The following FBXL7 variants were observed in gnomAD, a reference collection of about 807,000 sequenced individuals.
The protein encoded by FBXL7 is F-box and leucine rich repeat protein 7, also known as F-box/LRR-repeat protein 7.
A neutral mutation model predicts 38.3 loss-of-function variants in FBXL7; 12 were observed. The observed-to-expected ratio is 0.31, with a 90% confidence interval of 0.20 to 0.51. The LOEUF is 0.51. Ranked by LOEUF, FBXL7 falls within the 20% of genes least tolerant of loss-of-function variation. The probability of loss-of-function intolerance (pLI) is 0.98; values close to 1 mark genes in which losing one functional copy is unlikely to be tolerated. For missense variants in FBXL7, 567 were observed against 676.4 expected, an observed-to-expected ratio of 0.84 and a Z score of 1.79; for synonymous variants, 297 against 300.9, an observed-to-expected ratio of 0.99 and a Z score of 0.13.
At chr5:15,592,373 C>G (rs1237141749) in intron 1 of FBXL7, among the ~76,000 whole-genome samples, 4 of 152,124 alleles carry the variant, frequency 2.6e-5, no homozygotes, top group Admixed American at 2.6e-4. Flanking sequence ...GGATCATGGG[C>G]AATTTAAGTT....
chr5:15,818,315 T>C (rs1738074829), intron 2 of FBXL7, among the ~76,000 whole-genome samples: 2 of 152,206 alleles, frequency 1.3e-5, no homozygotes, highest in Non-Finnish European at 2.9e-5. Context: ...CTTTAAACTA[T>C]GAGACATTAA....
intron 1 of FBXL7, among the ~76,000 whole-genome samples, chr5:15,515,847 A>T (rs1421553455): frequency 6.6e-6 from 1 of 152,134 alleles, no homozygotes; most frequent in African/African-American, 2.4e-5. Flanking sequence ...TTTATTAGTC[A>T]TTTTATTACA....
intron 2 of FBXL7, among the ~76,000 whole-genome samples, chr5:15,922,012 A>T (rs1741756122): frequency 6.6e-6 from 1 of 152,172 alleles, no homozygotes; most frequent in African/African-American, 2.4e-5. Flanking sequence ...ACCAGCTCGT[A>T]AATATATGTG....
chr5:15,746,506 T>C (rs926833479), intron 2 of FBXL7, among the ~76,000 whole-genome samples: 18 of 152,104 alleles, frequency 1.2e-4, no homozygotes, highest in Admixed American at 3.9e-4. Flanking sequence ...CATTTCCTCA[T>C]AGACAGTTCT....
chr5:15,782,527 G>A (rs1431910187), intron 2 of FBXL7, among the ~76,000 whole-genome samples: 7 of 152,172 alleles, frequency 4.6e-5, no homozygotes. Flanking sequence ...TCTAACTGGT[G>A]TGAGATGGTA....
intron 1 of FBXL7, among the ~76,000 whole-genome samples, chr5:15,560,551 C>G (rs1381528122): frequency 6.6e-6 from 1 of 152,192 alleles, no homozygotes; most frequent in Non-Finnish European, 1.5e-5. Flanking sequence ...TCAGGTGCAA[C>G]TTCCCGACCA....
chr5:15,769,331 A>G (rs758416087), intron 2 of FBXL7, among the ~76,000 whole-genome samples: 4 of 152,210 alleles, frequency 2.6e-5, no homozygotes, highest in South Asian at 2.1e-4. Flanking sequence ...TTGACCCTCT[A>G]TGGTATGATG....
intron 2 of FBXL7, among the ~76,000 whole-genome samples, chr5:15,894,627 G>C (rs528233706): frequency 6.6e-6 from 1 of 152,274 alleles, no homozygotes; most frequent in South Asian, 2.1e-4. Flanking sequence ...TGATGTCTAT[G>C]GGAGTTACCT....
intron 2 of FBXL7, among the ~76,000 whole-genome samples, chr5:15,905,049 C>T (rs1741323034): frequency 6.6e-6 from 1 of 152,188 alleles, no homozygotes. Flanking sequence ...TACATTTAAG[C>T]ATTACCATAG....
intron 2 of FBXL7, among the ~76,000 whole-genome samples, chr5:15,657,599 C>G (rs1741924765): frequency 6.6e-6 from 1 of 152,000 alleles, no homozygotes; most frequent in African/African-American, 2.4e-5. Context: ...TTTGGGAGGC[C>G]AAGACAGGTG....
intron 2 of FBXL7, among the ~76,000 whole-genome samples, chr5:15,774,565 A>C (rs559839414): frequency 1.4e-4 from 21 of 152,300 alleles, no homozygotes; most frequent in African/African-American, 4.8e-4. Context: ...GCATATTCCC[A>C]CCATAATATG....
intron 1 of FBXL7, among the ~76,000 whole-genome samples, chr5:15,525,963 G>T (rs1737241130): frequency 6.6e-6 from 1 of 152,194 alleles, no homozygotes; most frequent in Non-Finnish European, 1.5e-5. Flanking sequence ...CATACACAGA[G>T]ATGTGGACCA....
At chr5:15,518,891 T>G (rs965628635) in intron 1 of FBXL7, among the ~76,000 whole-genome samples, 6 of 152,146 alleles carry the variant, frequency 3.9e-5, no homozygotes, top group Non-Finnish European at 7.4e-5. Flanking sequence ...ATTAATCTCC[T>G]TCTATGTGTC....
rs530603702 is a variant in FBXL7 at position 15,900,480 on chromosome 5, T to C, written c.128-27410T>C. 2.0e-5 allele frequency among the ~76,000 whole-genome samples: 3 copies of C among 152,322 alleles called. No homozygotes were observed. The East Asian group carries it at 5.8e-4, about 29-fold the overall frequency. On this transcript the variant is annotated intron_variant, in intron 2 of 3. Transcript: ENST00000504595. ...TGGTAAGAGACAGAATGACAGGTGA[T>C]GGCATTAAACAACAGAATCACTTCC...
chr5:15,891,834 CCA>C (rs1379286223), intron 2 of FBXL7, among the ~76,000 whole-genome samples: 1 of 152,172 alleles, frequency 6.6e-6, no homozygotes, highest in Non-Finnish European at 1.5e-5. Context: ...GAAGCTGTTA[CCA>C]CACACAGTCC....
chr5:15,742,131 A>T (rs1444918259), intron 2 of FBXL7, among the ~76,000 whole-genome samples: 2 of 152,228 alleles, frequency 1.3e-5, no homozygotes, highest in Non-Finnish European at 2.9e-5. Context: ...CTACTTAATA[A>T]GGGGAGATTT....
At chr5:15,744,526 G>T (rs1735966742) in intron 2 of FBXL7, among the ~76,000 whole-genome samples, 1 of 152,174 alleles carries the variant, frequency 6.6e-6, no homozygotes, top group African/African-American at 2.4e-5. Flanking sequence ...ACATCTTCCT[G>T]TCTTCAGAGC....
chr5:15,616,274 G>A lies in FBXL7; in HGVS notation c.127+202G>A, dbSNP rs189650115. ...TACAGTTCATGAAAATTGATTTGAC[G>A]GGATTCAGGTGCCTCAATTATAAGG... On this transcript the variant is annotated intron_variant, in intron 2 of 3. Transcript: ENST00000504595. Among the ~76,000 whole-genome samples, 48 of 152,172 alleles carry A rather than the reference G, an allele frequency of 3.2e-4. No homozygotes were observed. In the East Asian group the frequency reaches 8.5e-3, roughly 27 times the overall value.
intron 2 of FBXL7, among the ~76,000 whole-genome samples, chr5:15,715,459 C>T (rs970532426): frequency 4.4e-5 from 6 of 137,294 alleles, no homozygotes; most frequent in Middle Eastern, 4.8e-3. Flanking sequence ...CCACTGCACT[C>T]GAGCCTGGTG....
Sources: gnomAD v4.1 joint callset for allele counts (sites outside exome capture counted in the v4.1 genomes callset) on GRCh38, gnomAD v4.1.1 for gene constraint, MANE v1.5 for transcripts, NCBI Gene and HGNC (gene_info 2026-07-23, HGNC 2026-07-21) for gene names.